Variants in RNF213 observed in about 807,000 individuals in gnomAD.
RNF213 encodes the protein ring finger protein 213.
A neutral mutation model predicts 514.4 loss-of-function variants in RNF213; 341 were observed. The observed-to-expected ratio is 0.66, with a 90% CI of 0.61 to 0.73. RNF213 has a LOEUF of 0.73. Ranked by LOEUF, RNF213 falls within the 30% of genes least tolerant of loss-of-function variation. The probability of loss-of-function intolerance (pLI) is 0.00; values close to 1 mark genes in which losing one functional copy is unlikely to be tolerated. For missense variants in RNF213, 5,767 were observed against 6,615.6 expected (o/e 0.87, Z 4.45); for synonymous variants, 2,655 against 2,658.2 (o/e 1.00, Z 0.04).
chr17:80,339,267 T>G lies in RNF213; in HGVS notation c.4900T>G (p.Phe1634Val). 6.5e-7 allele frequency: 1 copy of G among 1,532,174 alleles called. No homozygotes were observed. Among genetic ancestry groups the G allele is most frequent in the Non-Finnish European group, 8.7e-7 (1 of 1,143,524 alleles). The allele number at this position is 1,532,174 out of a possible 1,614,324, so 94.9% of individuals were successfully genotyped here. ...IDLHSAGNML[F>V]RTWIAMAYCS... ...CCTGCACTCTGCTGGGAATATGCTGTTCAGGACGTGGATCGCCATGGCCTA... is the reference window on the plus strand; with the variant it reads ...CCTGCACTCTGCTGGGAATATGCTGGTCAGGACGTGGATCGCCATGGCCTA... Residue 1634 changes from phenylalanine (F) to valine (V), a missense_variant, in exon 26 of 68, where the codon TTC (phenylalanine) becomes GTC (valine). Transcript: ENST00000582970.
In RNF213 at chr17:80,337,999, T is replaced by TGAG. The variant is rs1367682548; in HGVS notation, c.4833+4_4833+6dup. The TGAG allele has an allele frequency of 4.6e-6, 7 of 1,537,004 alleles. No individual in the cohort carries two copies. Among genetic ancestry groups the TGAG allele is most frequent in the Non-Finnish European group, 6.1e-6 (7 of 1,146,888 alleles). ...ACGGAAGTGGAGAGGTTTTCAGAGG[T>TGAG]GAGGGCGCATCTTTGCAGTGGCGCT... is the stretch of plus-strand genomic sequence containing the variant. On this transcript the variant is annotated splice_region_variant and intron_variant, in intron 25 of 67. Coordinates refer to ENST00000582970, the MANE Select transcript of RNF213 (RefSeq NM_001256071.3).
At chr17:80,313,627 A>AGGTGGTGGTGGAGGTGATGGTGGTGAT (rs1568051193) in intron 15 of RNF213, among the ~76,000 whole-genome samples, 1 of 129,120 alleles carries the variant, frequency 7.7e-6, no homozygotes, top group African/African-American at 3.2e-5. Flanking sequence ...ATTGTGGTGG[A>AGGTGGTGGTGGAGGTGATGGTGGTGAT]GGTGATGGTG....
At chr17:80,333,789 T>C (rs2077905920) in intron 21 of RNF213, 7 of 325,712 alleles carry the variant, frequency 2.1e-5, no homozygotes, top group South Asian at 1.8e-4. Flanking sequence ...TGGGCCTTTA[T>C]TGACAAAGCA....
chr17:80,313,809 A>G (rs60753852), intron 15 of RNF213, among the ~76,000 whole-genome samples: 516 of 22,340 alleles, frequency 0.023, no homozygotes, highest in South Asian at 0.034. Context: ...GGTGGAGGTA[A>G]TGGAGGTGAT....
Position 80,346,090 on chromosome 17 carries a change from G to C in RNF213, c.7755G>C (p.Leu2585=), listed in dbSNP as rs373438033. The part of the protein sequence containing the change: ...LIPLVWDFGQ[L]SDVAEKLYIQ... ...CTCTGGTGTGGGACTTTGGACAACT[G>C]AGTGACGTTGCTGAAAAGCTCTACA... Residue 2585 remains leucine (L), a synonymous_variant, in exon 29 of 68, where the codon CTG becomes CTC. Coordinates refer to ENST00000582970, the MANE Select transcript of RNF213 (RefSeq NM_001256071.3). This position sits in a 1 kb window ranked among gnomAD's most constrained non-coding sequence, Gnocchi z 8.1. 1.2e-6 allele frequency: 2 copies of C among 1,614,066 alleles called. No individual in the cohort carries two copies. Among genetic ancestry groups the C allele is most frequent in the African/African-American group, 2.7e-5 (2 of 74,946 alleles).
chr17:80,361,141 C>T (rs2079041035), intron 38 of RNF213, among the ~76,000 whole-genome samples: 2 of 152,182 alleles, frequency 1.3e-5, no homozygotes, highest in African/African-American at 4.8e-5. Context: ...CAACATACAA[C>T]TCAGTCTTAT....
At chr17:80,274,175 G>T (rs1045286828) in intron 3 of RNF213, among the ~76,000 whole-genome samples, 1 of 152,108 alleles carries the variant, frequency 6.6e-6, no homozygotes, top group East Asian at 1.9e-4. Flanking sequence ...AGCTTTGGGT[G>T]TGGGGTGGGT....
chr17:80,354,230 C>A (rs915704311), intron 35 of RNF213, 64 bp downstream of exon 35: 11 of 1,575,414 alleles, frequency 7.0e-6, no homozygotes, highest in Admixed American at 6.7e-5. Flanking sequence ...GAGTGGGCAT[C>A]ATTTCACTGT....
At chr17:80,389,391 A>T (rs373817825) in intron 65 of RNF213, 24 bp downstream of exon 65, 145 of 1,606,562 alleles carry the variant, frequency 9.0e-5, no homozygotes, top group African/African-American at 2.7e-5. Flanking sequence ...CGAAAAGGAA[A>T]TCAGCACAGC....
chr17:80,278,968 G>A (rs1476398661), intron 3 of RNF213: 1 of 1,528,664 alleles, frequency 6.5e-7, no homozygotes, highest in Non-Finnish European at 8.8e-7. Flanking sequence ...TGCTGGCACA[G>A]CCTGGCACGG....
chr17:80,334,023 T>C, intron 21 of RNF213, 82 bp from the exon 22 acceptor site: 2 of 1,499,286 alleles, frequency 1.3e-6, no homozygotes, highest in Non-Finnish European at 1.8e-6. Context: ...GTGGGGCTGC[T>C]GGGACGGTCA....
chr17:80,392,835 C>T (rs1039881554), intron 67 of RNF213, among the ~76,000 whole-genome samples: 3 of 152,140 alleles, frequency 2.0e-5, no homozygotes, highest in African/African-American at 7.2e-5. Flanking sequence ...AGTGATCCAC[C>T]TGCCTCAGCC....
intron 58 of RNF213, among the ~76,000 whole-genome samples, chr17:80,383,452 T>G (rs374413466): frequency 6.6e-6 from 1 of 152,202 alleles, no homozygotes; most frequent in Non-Finnish European, 1.5e-5. Context: ...AGAATGTTAG[T>G]AAGAGAAATA....
rs537892215 is a variant in RNF213 at position 80,287,364 on chromosome 17, G to A, written c.262-451G>A. On this transcript the variant is annotated intron_variant, in intron 3 of 67. Transcript: ENST00000582970. ...CAAACCAACAAAAAATTAGCTGGGC[G>A]TAGTGATGCTCACCTATAGTCTCAG... 3.9e-5 allele frequency among the ~76,000 whole-genome samples: 6 copies of A among 152,350 alleles called. No homozygotes were observed. The South Asian group carries it at 6.2e-4, about 16-fold the overall frequency.
chr17:80,395,616 A>C lies in RNF213; in HGVS notation c.*2118A>C, dbSNP rs1043648766. ...AGTCCCCCATGCCCTGCCTGAAATGACTTCACTGGACACAGCGGGGCTGCA... is the reference window on the plus strand; with the variant it reads ...AGTCCCCCATGCCCTGCCTGAAATGCCTTCACTGGACACAGCGGGGCTGCA... On this transcript the variant is annotated 3_prime_UTR_variant, in exon 68 of 68. Coordinates refer to ENST00000582970, the MANE Select transcript of RNF213 (RefSeq NM_001256071.3). 7 of 152,308 alleles carry C rather than the reference A, an allele frequency of 4.6e-5. No individual in the cohort carries two copies. The highest frequency in any genetic ancestry group is 1.0e-4 in the Non-Finnish European group (7 of 68,112). The allele number at this position is 152,308 out of a possible 1,614,324, so 9.4% of individuals were successfully genotyped here.
rs1568117705 is a variant in RNF213, at chr17:80,353,183, G to C, written c.10423+124G>C. On this transcript the variant is annotated intron_variant, in intron 33 of 67. Coordinates refer to ENST00000582970, the MANE Select transcript of RNF213 (RefSeq NM_001256071.3). The surrounding 1 kb of genome is among the most constrained non-coding windows in gnomAD (Gnocchi z 5.0). ...GTGTTTCGTCCCTCGGCAGGAGCTC[G>C]GGGACACATCTGCAGAACTGACTGG... The C allele has an allele frequency of 7.5e-7, 1 of 1,334,952 alleles. No individual in the cohort carries two copies. Among genetic ancestry groups the C allele is most frequent in the Non-Finnish European group, 1.1e-6 (1 of 951,168 alleles). The allele number at this position is 1,334,952 out of a possible 1,614,324, so 82.7% of individuals were successfully genotyped here. A position where few individuals can be genotyped will look rare whatever the true frequency, so the allele number is the denominator to read the frequency against.
chr17:80,270,097 C>T (rs952826111), intron 2 of RNF213, among the ~76,000 whole-genome samples: 5 of 152,220 alleles, frequency 3.3e-5, no homozygotes, highest in East Asian at 1.9e-4. Flanking sequence ...ATCTCCTCTG[C>T]GTGAATGTGT....
intron 3 of RNF213, among the ~76,000 whole-genome samples, chr17:80,275,242 C>A (rs2044012557): frequency 1.3e-5 from 2 of 151,288 alleles, no homozygotes; most frequent in African/African-American, 4.9e-5. Flanking sequence ...GGAGAATAAT[C>A]CCTTCCAGAG....
intron 38 of RNF213, among the ~76,000 whole-genome samples, chr17:80,360,657 A>T (rs2079021675): frequency 6.6e-6 from 1 of 152,140 alleles, no homozygotes; most frequent in Admixed American, 6.5e-5. Context: ...CCCCATCAGG[A>T]GGCACCTCCC....
Sources: allele counts gnomAD v4.1 joint callset (sites outside exome capture counted in the v4.1 genomes callset), GRCh38; gene constraint gnomAD v4.1.1; non-coding constraint Gnocchi (gnomAD v3.1); transcripts MANE v1.5; gene names NCBI Gene and HGNC (gene_info 2026-07-23, HGNC 2026-07-21).